PCM1: variants seen among roughly 807,000 people sequenced by gnomAD.
PCM1 encodes the protein pericentriolar material 1 protein.
In PCM1, 157 loss-of-function variants were observed where a neutral mutation model predicts 241.9. That is an observed-to-expected ratio of 0.65 (90% CI 0.57 to 0.74). The LOEUF is 0.74. PCM1 is among the 30% of genes least tolerant of loss of function. The pLI, the probability that PCM1 is intolerant of heterozygous loss-of-function variation, is 0.00. For missense variants in PCM1, 3,478 were observed against 2,360.1 expected, an observed-to-expected ratio of 1.47 and a Z score of -9.81; for synonymous variants, 1,085 against 784.9, an observed-to-expected ratio of 1.38 and a Z score of -6.39.
chr8:17,960,146 G>T lies in PCM1; in HGVS notation c.2173G>T (p.Gly725Ter). ...GNANKTQKDT[G>*]VNEKAREKFY... ...TGCCAATAAAACACAGAAAGATACT[G>T]GAGTAAATGAAAAGGCAAGGTATGT... Residue 725 changes from glycine (G) to a stop codon, truncating the protein, a stop_gained, in exon 14 of 39, where the codon GGA (glycine) becomes TGA (stop). Coordinates refer to ENST00000325083, the MANE Select transcript of PCM1 (RefSeq NM_006197.4). LOFTEE classifies it high-confidence loss of function. 6.3e-7 allele frequency: 1 copy of T among 1,577,308 alleles called. No individual in the cohort carries two copies. The highest frequency in any genetic ancestry group is 1.4e-5 in the African/African-American group (1 of 73,778).
intron 30 of PCM1, 80 bp from the exon 31 acceptor site, chr8:18,009,467 T>G: frequency 1.1e-6 from 1 of 910,278 alleles, no homozygotes; most frequent in Non-Finnish European, 1.7e-6. Flanking sequence ...TAGTTTTAAG[T>G]TTTTCAGTAC....
rs747835063 is a variant in PCM1 at position 17,966,010 on chromosome 8, A to G, written c.2867A>G (p.Asn956Ser). The change falls in exon 19 of 39, where the codon AAT becomes AGT. Residue 956 changes from asparagine to serine, a missense_variant. Transcript: ENST00000325083. Reference sequence around the variant, plus strand: ...CAATCTTGTGTTAGGTGGAAGAACAATTGCCCTTTTTCGGCAGATGAAAAT... The same window carrying G: ...CAATCTTGTGTTAGGTGGAAGAACAGTTGCCCTTTTTCGGCAGATGAAAAT... ...GKETKNRWKN[N>S]CPFSADENYR... is the part of the protein sequence containing the mutation. 85 of 1,609,890 alleles carry G rather than the reference A, an allele frequency of 5.3e-5. No individual in the cohort carries two copies. The highest frequency in any genetic ancestry group is 1.6e-4 in the Middle Eastern group (1 of 6,068).
Position 17,953,131 on chromosome 8 carries a change from C to G in PCM1, c.1233C>G (p.Asp411Glu), listed in dbSNP as rs1368274609. 1 of 1,592,312 alleles carries G rather than the reference C, an allele frequency of 6.3e-7. No homozygotes were observed. The highest frequency in any genetic ancestry group is 8.6e-7 in the Non-Finnish European group (1 of 1,168,486). ...RVLQEKKQKMDKLLGELHTLR... is the reference protein window; with the variant it reads ...RVLQEKKQKMEKLLGELHTLR... ...TACAGGAAAAGAAACAAAAAATGGA[C>G]AAATTGCTTGGAGAACTTCATACAC... Residue 411 changes from aspartate to glutamate, a missense_variant, in exon 9 of 39, where the codon GAC becomes GAG. Asp to Glu is a conservative substitution (Grantham distance 45, BLOSUM62 2). Coordinates refer to ENST00000325083, the MANE Select transcript of PCM1 (RefSeq NM_006197.4).
At chr8:18,006,624 G>C (rs555067769) in intron 30 of PCM1, among the ~76,000 whole-genome samples, 1 of 152,032 alleles carries the variant, frequency 6.6e-6, no homozygotes, top group Non-Finnish European at 1.5e-5. Flanking sequence ...CATCTCTAAG[G>C]CATGTCTCTT....
chr8:17,935,342 C>G (rs1181029000), intron 2 of PCM1, among the ~76,000 whole-genome samples: 1 of 152,208 alleles, frequency 6.6e-6, no homozygotes, highest in Non-Finnish European at 1.5e-5. Flanking sequence ...AGCATGCAGA[C>G]TGGTGCTCAC....
intron 32 of PCM1, among the ~76,000 whole-genome samples, 188 bp downstream of exon 32, chr8:18,010,856 C>T (rs2092393608): frequency 6.6e-6 from 1 of 152,010 alleles, no homozygotes; most frequent in Admixed American, 6.6e-5. Flanking sequence ...GCCTATAGTC[C>T]CAGCTATTCA....
intron 24 of PCM1, among the ~76,000 whole-genome samples, chr8:17,981,124 G>A (rs938302613): frequency 1.3e-5 from 2 of 152,106 alleles, no homozygotes; most frequent in African/African-American, 2.4e-5. Flanking sequence ...TTCATGGAAC[G>A]TACATGGCCA....
chr8:17,946,566 A>G (rs529479975), intron 6 of PCM1, among the ~76,000 whole-genome samples: 59 of 150,972 alleles, frequency 3.9e-4, no homozygotes, highest in Non-Finnish European at 7.4e-4. Flanking sequence ...GTGCAGTCTC[A>G]GCTCACTGCA....
chr8:17,927,651 A>G (rs34774329), intron 2 of PCM1: 68,516 of 151,858 alleles, frequency 0.45, 17,235 homozygotes, highest in Non-Finnish European at 0.59. Flanking sequence ...CCCAGGTTCA[A>G]GTGATTCTCC....
intron 2 of PCM1, chr8:17,927,412 G>A (rs931309198): frequency 6.6e-6 from 1 of 151,988 alleles, no homozygotes; most frequent in Non-Finnish European, 1.5e-5. Flanking sequence ...ACTGCACCCA[G>A]CCTGATTATT....
At chr8:17,985,839 C>G in intron 25 of PCM1, 120 bp from the exon 26 acceptor site, 1 of 761,818 alleles carries the variant, frequency 1.3e-6, no homozygotes, top group Non-Finnish European at 2.0e-6. Context: ...CACACTTAAC[C>G]TGTGAGGGTA....
chr8:17,970,533 C>CT lies in PCM1; in HGVS notation c.3584+793dup, dbSNP rs923020739. ...TTAACATCCGTTACTTTGTTGACTC[C>CT]TTTTTTTTGGTTGTTCTATCTTTTT... On this transcript the variant is annotated intron_variant, in intron 22 of 38. Coordinates refer to ENST00000325083, the MANE Select transcript of PCM1 (RefSeq NM_006197.4). 7.3e-5 allele frequency among the ~76,000 whole-genome samples: 11 copies of CT among 150,984 alleles called. 1 individual carries two copies. In the East Asian group the frequency reaches 1.9e-3, roughly 27 times the overall value.
In PCM1 at chr8:17,967,223, A is replaced by G. The variant is rs1240221713; in HGVS notation, c.3412+53A>G. 6.8e-6 allele frequency: 9 copies of G among 1,322,210 alleles called. No individual in the cohort carries two copies. The South Asian group carries it at 8.0e-5, about 12-fold the overall frequency. The allele number at this position is 1,322,210 out of a possible 1,614,324, so 81.9% of individuals were successfully genotyped here. Reference sequence around the variant, plus strand: ...AAATAAAAGCAAAGTGTTTGGAACAACGTAATTTGTCTATTGCCTAGATGT... The same window carrying G: ...AAATAAAAGCAAAGTGTTTGGAACAGCGTAATTTGTCTATTGCCTAGATGT... On this transcript the variant is annotated intron_variant, in intron 21 of 38. Transcript: ENST00000325083.
intron 11 of PCM1, 141 bp from the exon 12 acceptor site, chr8:17,957,123 G>C (rs1046047818): frequency 1.4e-5 from 9 of 632,950 alleles, no homozygotes; most frequent in Non-Finnish European, 2.1e-5. Context: ...AAAAGCAGGA[G>C]TCGATTATTC....
At chr8:17,959,964 A>G in intron 13 of PCM1, 50 bp from the exon 14 acceptor site, 1 of 1,556,874 alleles carries the variant, frequency 6.4e-7, no homozygotes, top group South Asian at 1.2e-5. Context: ...TATGAATTGG[A>G]TAATGTCTTG....
Position 18,014,677 on chromosome 8 carries a change from C to T in PCM1, c.5678C>T (p.Pro1893Leu), listed in dbSNP as rs1416520971. ...AGTGCTGCCCATAAGGAGTCACCTC[C>T]TACTGTTGATTCAACTCAACAGCCT... ...LNSAAHKESP[P>L]TVDSTQQPNP... is the part of the protein sequence containing the mutation. Residue 1893 changes from proline to leucine, a missense_variant, in exon 36 of 39, where the codon CCT becomes CTT. Coordinates refer to ENST00000325083, the MANE Select transcript of PCM1 (RefSeq NM_006197.4). 2 of 1,613,846 alleles carry T rather than the reference C, an allele frequency of 1.2e-6. No homozygotes were observed. Among genetic ancestry groups the T allele is most frequent in the Admixed American group, 3.3e-5 (2 of 60,008 alleles).
In PCM1 at chr8:18,025,576, AC is replaced by A; in HGVS notation, c.5968del (p.Gln1990ArgfsTer17). 6.3e-7 allele frequency: 1 copy of A among 1,583,440 alleles called. No individual in the cohort carries two copies. The stretch of plus-strand genomic sequence containing the variant: ...TAAGAAAGAAAATGGTAGAAGAAGA[AC>A]AGAAAAACCATTTATCTGGTGAAAT... ...DLRKKMVEEE[Q>X]KNHLSGEICE... On this transcript the variant is annotated frameshift_variant, in exon 38 of 39. Coordinates refer to ENST00000325083, the MANE Select transcript of PCM1 (RefSeq NM_006197.4). LOFTEE classifies it high-confidence loss of function.
chr8:17,957,582 C>G lies in PCM1; in HGVS notation c.1847C>G (p.Ala616Gly). ...NREGEQEIHV[A>G]QGEDDEEEEE... ...GAAGGGGAACAGGAGATTCATGTTG[C>G]ACAAGGTGAAGATGATGAGGAGGAG... Residue 616 changes from alanine to glycine, a missense_variant, in exon 13 of 39, where the codon GCA (alanine) becomes GGA (glycine). Transcript: ENST00000325083. The G allele has an allele frequency of 6.4e-7, 1 of 1,572,420 alleles. No homozygotes were observed. Among genetic ancestry groups the G allele is most frequent in the Non-Finnish European group, 8.6e-7 (1 of 1,157,490 alleles).
intron 18 of PCM1, 34 bp from the exon 19 acceptor site, chr8:17,965,965 G>C (rs752951414): frequency 1.3e-6 from 2 of 1,502,298 alleles, no homozygotes; most frequent in Non-Finnish European, 1.8e-6. Flanking sequence ...AAATTATTAT[G>C]TATGATGACT....
Sources: gnomAD v4.1 joint callset for allele counts (sites outside exome capture counted in the v4.1 genomes callset) on GRCh38, gnomAD v4.1.1 for gene constraint, MANE v1.5 for transcripts, NCBI Gene and HGNC (gene_info 2026-07-23, HGNC 2026-07-21) for gene names.